The following ZNF254 variants were observed in gnomAD, a reference collection of about 807,000 sequenced individuals.
ZNF254 encodes CTD-2017D11.1.
In ZNF254, 10 loss-of-function variants were observed where a neutral mutation model predicts 12.4. The ratio of observed to expected loss-of-function variants is 0.80; its 90% CI spans 0.50 to 1.36. The LOEUF is 1.36. ZNF254 is among the 40% of genes most tolerant of loss of function. The pLI, the probability that ZNF254 is intolerant of heterozygous loss-of-function variation, is 0.00. For synonymous variants in ZNF254, 305 were observed against 253.4 expected (o/e 1.20, Z -1.93); for missense variants, 996 against 763.9 (o/e 1.30, Z -3.58).
intron 1 of ZNF254, among the ~76,000 whole-genome samples, chr19:24,040,341 T>C (rs1477060263): frequency 6.6e-6 from 1 of 151,908 alleles, no homozygotes; most frequent in African/African-American, 2.4e-5. Context: ...AGCAAAGGAG[T>C]ATACATTTGG....
At chr19:24,058,874 G>T (rs193048216) in intron 2 of ZNF254, among the ~76,000 whole-genome samples, 3 of 152,258 alleles carry the variant, frequency 2.0e-5, no homozygotes. Context: ...CCTTATTTAG[G>T]TTCTGCCTGC....
chr19:24,044,938 A>T (rs545476809), intron 1 of ZNF254, among the ~76,000 whole-genome samples: 4 of 152,336 alleles, frequency 2.6e-5, no homozygotes, highest in East Asian at 1.9e-4. Context: ...GATGTTAGAG[A>T]ACTATACATA....
intron 1 of ZNF254, among the ~76,000 whole-genome samples, chr19:24,101,503 C>T (rs1269206685): frequency 6.6e-6 from 1 of 152,162 alleles, no homozygotes; most frequent in African/African-American, 2.4e-5. Context: ...GGCAGAATCT[C>T]TTAAGTGTAA....
At chr19:24,063,428 C>T (rs962354762) in intron 2 of ZNF254, among the ~76,000 whole-genome samples, 4 of 152,088 alleles carry the variant, frequency 2.6e-5, no homozygotes, top group African/African-American at 9.7e-5. Context: ...GGTGTTGCAC[C>T]CAGGTGGTGT....
intron 3 of ZNF254, among the ~76,000 whole-genome samples, chr19:24,117,316 G>A (rs1178399315): frequency 6.6e-6 from 1 of 152,152 alleles, no homozygotes; most frequent in Non-Finnish European, 1.5e-5. Flanking sequence ...ACAGAGGCAG[G>A]CAGGCCTCCT....
At chr19:24,048,193 T>C (rs1351912710) in intron 2 of ZNF254, among the ~76,000 whole-genome samples, 1 of 151,932 alleles carries the variant, frequency 6.6e-6, no homozygotes, top group Non-Finnish European at 1.5e-5. Flanking sequence ...TGGCCAGTAC[T>C]TGTGGCCGCT....
chr19:24,080,966 A>G (rs1971824967), intron 2 of ZNF254, among the ~76,000 whole-genome samples: 1 of 150,764 alleles, frequency 6.6e-6, no homozygotes, highest in Non-Finnish European at 1.5e-5. Context: ...AATCCCAGCT[A>G]CTCAGGAGGC....
chr19:24,073,553 G>A (rs1206382495), intron 2 of ZNF254, among the ~76,000 whole-genome samples: 1 of 152,200 alleles, frequency 6.6e-6, no homozygotes, highest in Non-Finnish European at 1.5e-5. Flanking sequence ...CCAGCCGACA[G>A]TAAAGATTGT....
At chr19:24,071,841 A>G (rs1971492931) in intron 2 of ZNF254, among the ~76,000 whole-genome samples, 1 of 152,166 alleles carries the variant, frequency 6.6e-6, no homozygotes, top group South Asian at 2.1e-4. Flanking sequence ...GGTGATGAAC[A>G]AAATGATATG....
intron 1 of ZNF254, among the ~76,000 whole-genome samples, chr19:24,097,639 G>A (rs1015085936): frequency 2.0e-5 from 3 of 151,824 alleles, no homozygotes; most frequent in African/African-American, 7.3e-5. Flanking sequence ...AAATTAGAAG[G>A]GTGTGGTGGT....
intron 1 of ZNF254, among the ~76,000 whole-genome samples, chr19:24,101,296 T>C (rs1973011142): frequency 6.6e-6 from 1 of 152,254 alleles, no homozygotes; most frequent in African/African-American, 2.4e-5. Context: ...GGCCTCTGCC[T>C]GGAATTTATA....
chr19:24,096,252 T>C (rs950182671), intron 1 of ZNF254, among the ~76,000 whole-genome samples: 3 of 151,972 alleles, frequency 2.0e-5, no homozygotes, highest in Non-Finnish European at 4.4e-5. Flanking sequence ...AGAGACAGGA[T>C]TTCACCATGT....
intron 2 of ZNF254, among the ~76,000 whole-genome samples, chr19:24,075,703 CAG>C (rs1354062452): frequency 6.6e-6 from 1 of 152,178 alleles, no homozygotes; most frequent in Non-Finnish European, 1.5e-5. Flanking sequence ...TAACAGGAAA[CAG>C]AGTTCAAAAG....
At position 24,127,266 on chromosome 19, in the gene ZNF254, T is replaced by G. The variant is rs1290099709; in HGVS notation, c.1266T>G (p.Thr422=). 6.2e-7 allele frequency: 1 copy of G among 1,613,398 alleles called. No homozygotes were observed. Among genetic ancestry groups the G allele is most frequent in the Non-Finnish European group, 8.5e-7 (1 of 1,179,744 alleles). ...GKGFNRSSNL[T]THKIIHTGEK... ...GTTTTAATCGATCTTCAAATCTTAC[T>G]ACACATAAGATAATTCATACTGGAG... Residue 422 remains threonine, a synonymous_variant, in exon 4 of 4, where the codon ACT becomes ACG. Coordinates refer to ENST00000357002, the MANE Select transcript of ZNF254 (RefSeq NM_203282.4).
intron 3 of ZNF254, among the ~76,000 whole-genome samples, chr19:24,117,539 C>T (rs1490515907): frequency 6.6e-6 from 1 of 152,166 alleles, no homozygotes; most frequent in African/African-American, 2.4e-5. Context: ...TTATTTAAGC[C>T]CGTCGGAAAA....
intron 2 of ZNF254, chr19:24,079,613 A>G (rs1303382833): frequency 6.6e-6 from 1 of 152,262 alleles, no homozygotes; most frequent in African/African-American, 2.4e-5. Flanking sequence ...GAGTTTGAGA[A>G]GTTAACTCTG....
chr19:24,127,383 CT>C lies in ZNF254; in HGVS notation c.1384del (p.Tyr462ThrfsTer16), dbSNP rs1309054421. 1 of 1,612,096 alleles carries C rather than the reference CT, an allele frequency of 6.2e-7. No individual in the cohort carries two copies. The highest frequency in any genetic ancestry group is 1.7e-5 in the Admixed American group (1 of 59,884). On this transcript the variant is annotated frameshift_variant, in exon 4 of 4. Transcript: ENST00000357002. LOFTEE classifies it low-confidence loss of function (END_TRUNC). ...AGAGAATTCATACTAGAGAGAAACC[CT>C]ACAAATGTGAAGAATGTGGCAAGGC... The part of the protein sequence containing the change: ...HKRIHTREKP[Y>X]KCEECGKAFI...
At chr19:24,120,922 A>G (rs1020869426) in intron 3 of ZNF254, among the ~76,000 whole-genome samples, 1 of 151,550 alleles carries the variant, frequency 6.6e-6, no homozygotes, top group East Asian at 1.9e-4. Flanking sequence ...TCTTTTTTTT[A>G]TATGCAAACT....
At position 24,127,928 on chromosome 19, in the gene ZNF254, C is replaced by T. The variant is rs144271497; in HGVS notation, c.1928C>T (p.Ser643Leu). The T allele has an allele frequency of 4.7e-5, 75 of 1,603,430 alleles. No individual in the cohort carries two copies. The highest frequency in any genetic ancestry group is 8.1e-5 in the African/African-American group (6 of 74,520). The change falls in exon 4 of 4, where the codon TCG becomes TTG. Residue 643 changes from serine (S) to leucine (L), a missense_variant. By Grantham distance (145) the Ser-to-Leu change is moderately radical (BLOSUM62 -2). Coordinates refer to ENST00000357002, the MANE Select transcript of ZNF254 (RefSeq NM_203282.4). ...TTTGGCAAAGCCTTTAATCGGTCCTCGCACCTCACCACAGATAAGATAACT... is the reference window on the plus strand; with the variant it reads ...TTTGGCAAAGCCTTTAATCGGTCCTTGCACCTCACCACAGATAAGATAACT... ...EKFGKAFNRS[S>L]HLTTDKITHW...
Sources: gnomAD v4.1 joint callset for allele counts (sites outside exome capture counted in the v4.1 genomes callset) on GRCh38, gnomAD v4.1.1 for gene constraint, MANE v1.5 for transcripts, NCBI Gene and HGNC (gene_info 2026-07-23, HGNC 2026-07-21) for gene names.